ZNF724: variants seen among roughly 807,000 people sequenced by gnomAD.
ZNF724 encodes zinc finger protein 724 pseudogene.
Under a neutral mutation model 29.3 loss-of-function variants are expected in ZNF724, and 14 were observed. That is an observed-to-expected ratio of 0.48 (90% CI 0.32 to 0.75). ZNF724 has a LOEUF of 0.75. Among genes scored for constraint, ZNF724 ranks in the 30% least tolerant of loss-of-function variants. The pLI is 0.04. For synonymous variants in ZNF724, 180 were observed against 193.6 expected (o/e 0.93, Z 0.58); for missense variants, 557 against 571.2 (o/e 0.98, Z 0.25).
intron 1 of ZNF724, chr19:23,242,498 G>A (rs1226349477): frequency 2.0e-5 from 3 of 151,330 alleles, no homozygotes; most frequent in East Asian, 3.9e-4. Context: ...GGTGGATCAC[G>A]AGGTCAGGAG....
chr19:23,234,410 A>G (rs969481827), intron 1 of ZNF724, among the ~76,000 whole-genome samples: 1 of 152,160 alleles, frequency 6.6e-6, no homozygotes, highest in African/African-American at 2.4e-5. Context: ...CCACCAACCT[A>G]ATAGAAGTCC....
At chr19:23,245,646 G>A (rs1213837515) in intron 1 of ZNF724, among the ~76,000 whole-genome samples, 1 of 151,542 alleles carries the variant, frequency 6.6e-6, no homozygotes, top group Non-Finnish European at 1.5e-5. Context: ...TTTAGAATCT[G>A]ATTTTTTCAC....
At chr19:23,227,571 C>CAAAAAAAAAAAACA (rs372023948) in intron 3 of ZNF724, among the ~76,000 whole-genome samples, 1 of 119,010 alleles carries the variant, frequency 8.4e-6, no homozygotes, top group South Asian at 2.8e-4. Context: ...AAAAAAAAAA[C>CAAAAAAAAAAAACA]AAAAAAAAAC....
Position 23,222,275 on chromosome 19 carries a change from C to A in ZNF724, c.*110G>T. 1.6e-6 allele frequency: 1 copy of A among 616,504 alleles called. No homozygotes were observed. Among genetic ancestry groups the A allele is most frequent in the Non-Finnish European group, 2.8e-6 (1 of 351,940 alleles). The allele number at this position is 616,504 out of a possible 1,614,324, so 38.2% of individuals were successfully genotyped here. ...TTTGTACGGTTTCTCTCCAGTAATT[C>A]TCTTCGTTGGCCAGGATGGTCTCAA... On this transcript the variant is annotated 3_prime_UTR_variant, in exon 4 of 4. Coordinates refer to ENST00000418100, the MANE Select transcript of ZNF724 (RefSeq NM_001355404.2).
At chr19:23,234,925 C>A (rs1179856137) in intron 1 of ZNF724, among the ~76,000 whole-genome samples, 1 of 152,166 alleles carries the variant, frequency 6.6e-6, no homozygotes, top group Admixed American at 6.5e-5. Context: ...GAGAAGCAGG[C>A]ACAGTACAGA....
intron 1 of ZNF724, among the ~76,000 whole-genome samples, chr19:23,239,218 T>C (rs184681825): frequency 2.0e-5 from 3 of 152,290 alleles, no homozygotes; most frequent in Admixed American, 1.3e-4. Flanking sequence ...TTTGACCAAA[T>C]AGTCCTAACT....
rs1377567183 is a variant in ZNF724 at position 23,222,376 on chromosome 19, C to G, written c.*9G>C. Reference sequence around the variant, plus strand: ...ACAGGTGTGAGCCACCACGCCTGGTCCATTTTTCTTATTTGTCAGATTTTT... The same window carrying G: ...ACAGGTGTGAGCCACCACGCCTGGTGCATTTTTCTTATTTGTCAGATTTTT... On this transcript the variant is annotated 3_prime_UTR_variant, in exon 4 of 4. Coordinates refer to ENST00000418100, the MANE Select transcript of ZNF724 (RefSeq NM_001355404.2). The G allele has an allele frequency of 1.9e-6, 2 of 1,035,044 alleles. No homozygotes were observed. Among genetic ancestry groups the G allele is most frequent in the Admixed American group, 1.9e-5 (1 of 52,134 alleles). 64.1% of individuals were successfully genotyped at this position (1,035,044 alleles called of 1,614,324 possible).
At chr19:23,226,548 A>T (rs1314830458) in intron 3 of ZNF724, among the ~76,000 whole-genome samples, 1 of 152,208 alleles carries the variant, frequency 6.6e-6, no homozygotes, top group African/African-American at 2.4e-5. Flanking sequence ...TAGAAGAAGA[A>T]CCGAAAAAAG....
intron 1 of ZNF724, among the ~76,000 whole-genome samples, chr19:23,242,947 G>C (rs1264123764): frequency 6.8e-6 from 1 of 147,942 alleles, no homozygotes; most frequent in Non-Finnish European, 1.5e-5. Flanking sequence ...GCTGAGGCAG[G>C]AGAATAGCTT....
chr19:23,224,992 A>C (rs992163771), intron 3 of ZNF724, among the ~76,000 whole-genome samples: 3 of 151,946 alleles, frequency 2.0e-5, no homozygotes, highest in African/African-American at 7.3e-5. Context: ...ACAAAAAAAA[A>C]ACCCCACCAA....
chr19:23,250,127 G>A, intron 1 of ZNF724, 113 bp downstream of exon 1: 1 of 548,718 alleles, frequency 1.8e-6, no homozygotes, highest in South Asian at 1.4e-5. Context: ...GGAGAACTCA[G>A]GGCGCAGTTT....
intron 1 of ZNF724, among the ~76,000 whole-genome samples, chr19:23,249,890 C>G (rs1393083825): frequency 6.6e-6 from 1 of 152,130 alleles, no homozygotes; most frequent in African/African-American, 2.4e-5. Flanking sequence ...GACTAAAGCC[C>G]TTCCCATTCA....
At position 23,223,547 on chromosome 19, in the gene ZNF724, A is replaced by T; in HGVS notation, c.698T>A (p.Ile233Lys). ...AAGGTGTGAGGACTTGTTAAAGGCT[A>T]TGCCACATTCTTCACATTTGTAGTG... ...QKHYKCEECG[I>K]AFNKSSHLNT... The change falls in exon 4 of 4, where the codon ATA (isoleucine) becomes AAA (lysine). Residue 233 changes from isoleucine (I) to lysine (K), a missense_variant. Coordinates refer to ENST00000418100, the MANE Select transcript of ZNF724 (RefSeq NM_001355404.2). The T allele has an allele frequency of 2.7e-6, 2 of 732,656 alleles. No individual in the cohort carries two copies. The highest frequency in any genetic ancestry group is 2.6e-5 in the East Asian group (1 of 38,492). The allele number at this position is 732,656 out of a possible 1,614,324, so 45.4% of individuals were successfully genotyped here.
intron 1 of ZNF724, among the ~76,000 whole-genome samples, chr19:23,238,907 A>G (rs1972067136): frequency 6.6e-6 from 1 of 152,128 alleles, no homozygotes; most frequent in African/African-American, 2.4e-5. Context: ...ACTCCATCTC[A>G]AAAAACAAAA....
chr19:23,222,154 C>T lies in ZNF724; in HGVS notation c.*231G>A. The T allele has an allele frequency of 7.3e-5, 25 of 340,498 alleles. No homozygotes were observed. Among genetic ancestry groups the T allele is most frequent in the South Asian group, 3.8e-4 (7 of 18,202 alleles). 21.1% of individuals were successfully genotyped at this position (340,498 alleles called of 1,614,324 possible). On this transcript the variant is annotated 3_prime_UTR_variant, in exon 4 of 4. Transcript: ENST00000418100. ...ACATTCTTCACACTTGTAGAGGTTT[C>T]CTCTACTATATTTTACCTACAATCA...
At chr19:23,240,413 G>A (rs916565104) in intron 1 of ZNF724, among the ~76,000 whole-genome samples, 4 of 151,720 alleles carry the variant, frequency 2.6e-5, no homozygotes, top group Admixed American at 6.6e-5. Context: ...AGTTTTGGTC[G>A]CACTCTGACC....
chr19:23,225,162 A>G (rs1230146078), intron 3 of ZNF724, among the ~76,000 whole-genome samples: 4 of 152,244 alleles, frequency 2.6e-5, no homozygotes, highest in African/African-American at 9.6e-5. Context: ...AAAGTATGCA[A>G]CACAGGACCT....
At chr19:23,244,213 G>C (rs1170293185) in intron 1 of ZNF724, among the ~76,000 whole-genome samples, 1 of 152,158 alleles carries the variant, frequency 6.6e-6, no homozygotes, top group Non-Finnish European at 1.5e-5. Flanking sequence ...CCCTAAGTTG[G>C]TGGGGAGAAC....
At position 23,223,102 on chromosome 19, in the gene ZNF724, A is replaced by G; in HGVS notation, c.1143T>C (p.Leu381=). The change falls in exon 4 of 4, where the codon CTT becomes CTC. Residue 381 remains leucine (L), a synonymous_variant. Transcript: ENST00000418100. ...CGKAFNVSST[L]TQHKRIHTGE... ...CAGTATGAATTCTCTTATGTTGAGT[A>G]AGAGTTGAGGACACGTTAAAGGCTT... 1 of 1,257,656 alleles carries G rather than the reference A, an allele frequency of 8.0e-7. No individual in the cohort carries two copies. The highest frequency in any genetic ancestry group is 1.2e-6 in the Non-Finnish European group (1 of 856,200). 77.9% of individuals were successfully genotyped at this position (1,257,656 alleles called of 1,614,324 possible). A position where few individuals can be genotyped will look rare whatever the true frequency, so the allele number is the denominator to read the frequency against.
Sources: allele counts gnomAD v4.1 joint callset (sites outside exome capture counted in the v4.1 genomes callset), GRCh38; gene constraint gnomAD v4.1.1; transcripts MANE v1.5; gene names NCBI Gene and HGNC (gene_info 2026-07-23, HGNC 2026-07-21).